The following ABLIM2 variants were observed in gnomAD, a reference collection of about 807,000 sequenced individuals.
ABLIM2 encodes the protein actin-binding LIM protein 2.
Under a neutral mutation model 97.7 loss-of-function variants are expected in ABLIM2, and 53 were observed. The observed-to-expected ratio is 0.54, with a 90% CI of 0.44 to 0.68. The LOEUF is 0.68. Ranked by LOEUF, ABLIM2 falls within the 30% of genes least tolerant of loss-of-function variation. The pLI is 0.00. For missense variants in ABLIM2, 835 were observed against 867.2 expected (o/e 0.96, Z 0.47); for synonymous variants, 361 against 345.8 (o/e 1.04, Z -0.49).
intron 9 of ABLIM2, among the ~76,000 whole-genome samples, chr4:8,039,996 A>G (rs1358292223): frequency 6.7e-6 from 1 of 150,104 alleles, no homozygotes; most frequent in Non-Finnish European, 1.5e-5. Flanking sequence ...TGCACATTTT[A>G]TCCTGGAAAC....
At chr4:8,100,009 A>T (rs1317875366) in intron 2 of ABLIM2, among the ~76,000 whole-genome samples, 1 of 152,234 alleles carries the variant, frequency 6.6e-6, no homozygotes, top group Non-Finnish European at 1.5e-5. Flanking sequence ...GGCAGGAGGC[A>T]GGGCAGGTGG....
In ABLIM2 at chr4:8,015,344, C is replaced by A. The variant is rs546181908; in HGVS notation, c.1423+4274G>T. The stretch of plus-strand genomic sequence containing the variant: ...CCCAAAATGCGTCGGCCATGAGGAA[C>A]CCTCTAGGGAGAGGCTGAGTTCCTA... On this transcript the variant is annotated intron_variant, in intron 14 of 20. Coordinates refer to ENST00000447017, the MANE Select transcript of ABLIM2 (RefSeq NM_001130083.2). The surrounding 1 kb of genome is among the most constrained non-coding windows in gnomAD (Gnocchi z 4.6). Among the ~76,000 whole-genome samples the A allele has an allele frequency of 5.7e-4, 86 of 152,138 alleles. No homozygotes were observed. Among genetic ancestry groups the A allele is most frequent in the African/African-American group, 2.0e-3 (84 of 41,520 alleles).
intron 9 of ABLIM2, among the ~76,000 whole-genome samples, chr4:8,039,742 C>G (rs1000579608): frequency 3.3e-5 from 5 of 152,160 alleles, no homozygotes; most frequent in South Asian, 2.1e-4. Context: ...ATAATATGTT[C>G]AGTGTGACCC....
rs565343662 is a variant in ABLIM2 at position 8,122,746 on chromosome 4, C to A, written c.11-16109G>T. On this transcript the variant is annotated intron_variant, in intron 1 of 20. Transcript: ENST00000447017. This position sits in a 1 kb window ranked among gnomAD's most constrained non-coding sequence, Gnocchi z 4.1. ...GTCCACTTGCCACTTTAGTTCTTTT[C>A]ATCCTGCACAGCTGGGACCTGTCCT... 2.0e-5 allele frequency among the ~76,000 whole-genome samples: 3 copies of A among 152,310 alleles called. No homozygotes were observed. In the South Asian group the frequency reaches 6.2e-4, roughly 32 times the overall value.
Position 8,149,834 on chromosome 4 carries a change from G to A in ABLIM2, c.10+8846C>T, listed in dbSNP as rs190370004. ...CAGGACTGGCCCTGCGCCCAGACAG[G>A]ACGGGGCCTATGGAGTAAGACCCCA... is the stretch of plus-strand genomic sequence containing the variant. On this transcript the variant is annotated intron_variant, in intron 1 of 20. Coordinates refer to ENST00000447017, the MANE Select transcript of ABLIM2 (RefSeq NM_001130083.2). This position sits in a 1 kb window ranked among gnomAD's most constrained non-coding sequence, Gnocchi z 6.4. Among the ~76,000 whole-genome samples the A allele has an allele frequency of 6.6e-6, 1 of 152,146 alleles. No individual in the cohort carries two copies. Among genetic ancestry groups the A allele is most frequent in the African/African-American group, 2.4e-5 (1 of 41,516 alleles).
In ABLIM2 at chr4:7,984,880, G is replaced by A. The variant is rs1462247852; in HGVS notation, c.1694C>T (p.Ala565Val). ...NGLDQRNANLAPCGADPDASW... is the reference protein window; with the variant it reads ...NGLDQRNANLVPCGADPDASW... ...GGCATCCGGGTCTGCTCCACAGGGG[G>A]CCAGATTGGCATTCTGGAAGAGAAA... Residue 565 changes from alanine (A) to valine (V), a missense_variant, in exon 18 of 21, where the codon GCC (alanine) becomes GTC (valine). Ala to Val is a moderately conservative substitution (Grantham distance 64). Transcript: ENST00000447017. 5 of 1,608,682 alleles carry A rather than the reference G, an allele frequency of 3.1e-6. No homozygotes were observed. Among genetic ancestry groups the A allele is most frequent in the South Asian group, 2.2e-5 (2 of 89,542 alleles).
rs779899787 is a variant in ABLIM2, at chr4:7,984,861, C to T, written c.1713G>A (p.Pro571=). 26 of 1,607,476 alleles carry T rather than the reference C, an allele frequency of 1.6e-5. No homozygotes were observed. The highest frequency in any genetic ancestry group is 6.7e-5 in the African/African-American group (5 of 74,844). The part of the protein sequence containing the change: ...NANLAPCGAD[P]DASWGMREYK... ...TACCTCGCATGCCCCAGCTGGCATCCGGGTCTGCTCCACAGGGGGCCAGAT... is the reference window on the plus strand; with the variant it reads ...TACCTCGCATGCCCCAGCTGGCATCTGGGTCTGCTCCACAGGGGGCCAGAT... The change falls in exon 18 of 21, where the codon CCG becomes CCA. Residue 571 remains proline (P), a synonymous_variant. Transcript: ENST00000447017.
chr4:8,041,697 T>C (rs547517766), intron 9 of ABLIM2, among the ~76,000 whole-genome samples: 17 of 151,750 alleles, frequency 1.1e-4, no homozygotes, highest in African/African-American at 4.1e-4. Context: ...GGTTAGGAGA[T>C]TGAGACCATC....
rs1239828626 is a variant in ABLIM2 at position 8,001,807 on chromosome 4, G to A, written c.1618+6252C>T. Among the ~76,000 whole-genome samples the A allele has an allele frequency of 6.6e-6, 1 of 151,992 alleles. No individual in the cohort carries two copies. The highest frequency in any genetic ancestry group is 2.4e-5 in the African/African-American group (1 of 41,388). On this transcript the variant is annotated intron_variant, in intron 16 of 20. Transcript: ENST00000447017. The surrounding 1 kb of genome is among the most constrained non-coding windows in gnomAD (Gnocchi z 4.2). ...GGCTGCCCCCTTCCCCACTTCCCTG[G>A]CCCACTTCCTCTCCTGGCTTTCTCC...
chr4:8,061,495 A>G lies in ABLIM2; in HGVS notation c.676-441T>C, dbSNP rs1366242563. Among the ~76,000 whole-genome samples the G allele has an allele frequency of 6.6e-6, 1 of 152,122 alleles. No homozygotes were observed. The highest frequency in any genetic ancestry group is 2.4e-5 in the African/African-American group (1 of 41,410). ...AATTAGGGGAGTGGGGTGAAAAAGGATGAATACTTTCCTTTTCACATCTCT... is the reference window on the plus strand; with the variant it reads ...AATTAGGGGAGTGGGGTGAAAAAGGGTGAATACTTTCCTTTTCACATCTCT... On this transcript the variant is annotated intron_variant, in intron 6 of 20. Coordinates refer to ENST00000447017, the MANE Select transcript of ABLIM2 (RefSeq NM_001130083.2). This position sits in a 1 kb window ranked among gnomAD's most constrained non-coding sequence, Gnocchi z 4.5.
In ABLIM2 at chr4:8,121,964, G is replaced by C. The variant is rs960343986; in HGVS notation, c.11-15327C>G. 2.0e-5 allele frequency among the ~76,000 whole-genome samples: 3 copies of C among 152,304 alleles called. No individual in the cohort carries two copies. In the South Asian group the frequency reaches 6.2e-4, roughly 32 times the overall value. On this transcript the variant is annotated intron_variant, in intron 1 of 20. Transcript: ENST00000447017. Reference sequence around the variant, plus strand: ...GGACCCAGACCTGCCCAGACCTCAAGCCAGCTCTCAACTCCCTCTCTGGGA... The same window carrying C: ...GGACCCAGACCTGCCCAGACCTCAACCCAGCTCTCAACTCCCTCTCTGGGA...
rs1032840281 is a variant in ABLIM2 at position 8,004,391 on chromosome 4, C to A, written c.1618+3668G>T. 6.6e-6 allele frequency among the ~76,000 whole-genome samples: 1 copy of A among 152,154 alleles called. No homozygotes were observed. The highest frequency in any genetic ancestry group is 6.5e-5 in the Admixed American group (1 of 15,280). Reference sequence around the variant, plus strand: ...CACCCCCACTCCCACCTGGCCAGACCACCCTTGGCTCCCACTATCCCACCT... The same window carrying A: ...CACCCCCACTCCCACCTGGCCAGACAACCCTTGGCTCCCACTATCCCACCT... On this transcript the variant is annotated intron_variant, in intron 16 of 20. Coordinates refer to ENST00000447017, the MANE Select transcript of ABLIM2 (RefSeq NM_001130083.2). This position sits in a 1 kb window ranked among gnomAD's most constrained non-coding sequence, Gnocchi z 5.9.
At chr4:8,020,345 G>A (rs756699199) in intron 12 of ABLIM2, 42 bp from the exon 13 acceptor site, 120 of 1,532,112 alleles carry the variant, frequency 7.8e-5, no homozygotes, top group East Asian at 2.5e-4. Context: ...AAGGGGAAAC[G>A]GGAAAGCAAA....
At chr4:7,985,178 C>A (rs1335564257) in intron 17 of ABLIM2, among the ~76,000 whole-genome samples, 1 of 152,220 alleles carries the variant, frequency 6.6e-6, no homozygotes, top group Non-Finnish European at 1.5e-5. Flanking sequence ...ACAGCTCCAA[C>A]CCCATTTGAA....
chr4:8,157,052 C>A (rs1389050348), intron 1 of ABLIM2, among the ~76,000 whole-genome samples: 2 of 152,310 alleles, frequency 1.3e-5, no homozygotes, highest in South Asian at 4.1e-4. Flanking sequence ...TCATGTTGTA[C>A]CTTGTCCCCT....
chr4:8,117,143 C>A (rs1296434738), intron 1 of ABLIM2, among the ~76,000 whole-genome samples: 1 of 152,226 alleles, frequency 6.6e-6, no homozygotes, highest in Non-Finnish European at 1.5e-5. Context: ...CCTGGCGTGA[C>A]CTTGCCTGGA....
intron 2 of ABLIM2, among the ~76,000 whole-genome samples, chr4:8,105,806 T>G (rs1224414494): frequency 2.6e-5 from 4 of 152,236 alleles, no homozygotes; most frequent in Non-Finnish European, 5.9e-5. Flanking sequence ...TCCAGTGCTA[T>G]TTTTAATCTA....
intron 8 of ABLIM2, among the ~76,000 whole-genome samples, chr4:8,048,326 G>GT (rs1409447212): frequency 3.9e-5 from 6 of 152,230 alleles, no homozygotes; most frequent in Non-Finnish European, 7.3e-5. Context: ...CAAGCGCCTT[G>GT]TTCAGACCCA....
At position 8,127,485 on chromosome 4, in the gene ABLIM2, A is replaced by T; in HGVS notation, c.11-20848T>A. On this transcript the variant is annotated intron_variant, in intron 1 of 20. Transcript: ENST00000447017. This position sits in a 1 kb window ranked among gnomAD's most constrained non-coding sequence, Gnocchi z 7.3. ...CACAGCTCCCAGTCCCCTGAAGCTG[A>T]CTCATGGAGCTCACGGCTCCCAGCC... The T allele has an allele frequency of 1.8e-5, 23 of 1,288,714 alleles. No homozygotes were observed. The highest frequency in any genetic ancestry group is 2.0e-5 in the Non-Finnish European group (20 of 988,158). The allele number at this position is 1,288,714 out of a possible 1,614,324, so 79.8% of individuals were successfully genotyped here.
Sources: gnomAD v4.1 joint callset for allele counts (sites outside exome capture counted in the v4.1 genomes callset) on GRCh38, gnomAD v4.1.1 for gene constraint, Gnocchi (gnomAD v3.1) non-coding constraint, MANE v1.5 for transcripts, NCBI Gene and HGNC (gene_info 2026-07-23, HGNC 2026-07-21) for gene names.